The following PTPRO variants were observed in gnomAD, a reference collection of about 807,000 sequenced individuals.
PTPRO encodes protein tyrosine phosphatase receptor type O, also known as receptor-type tyrosine-protein phosphatase O.
In PTPRO, 62 loss-of-function variants were observed where a neutral mutation model predicts 145.2. That is an observed-to-expected ratio of 0.43 (90% CI 0.35 to 0.53). The LOEUF (loss-of-function observed/expected upper bound fraction) is 0.53. Ranked by LOEUF, PTPRO falls within the 20% of genes least tolerant of loss-of-function variation. PTPRO has a pLI of 0.01. For synonymous variants in PTPRO, 565 were observed against 514.7 expected, an observed-to-expected ratio of 1.10 and a Z score of -1.32; for missense variants, 1,345 against 1,482.7, an observed-to-expected ratio of 0.91 and a Z score of 1.53.
chr12:15,482,503 A>C (rs1303374187), intron 1 of PTPRO, among the ~76,000 whole-genome samples: 1 of 152,092 alleles, frequency 6.6e-6, no homozygotes, highest in African/African-American at 2.4e-5. Context: ...TGTATTTTCA[A>C]ATAACTAGAA....
chr12:15,444,471 C>A (rs1454430781), intron 1 of PTPRO, among the ~76,000 whole-genome samples: 1 of 151,880 alleles, frequency 6.6e-6, no homozygotes, highest in Admixed American at 6.6e-5. Context: ...TGTGTATGTA[C>A]CCCCAAATCA....
chr12:15,519,318 G>A (rs972696725), intron 9 of PTPRO, among the ~76,000 whole-genome samples: 11 of 152,274 alleles, frequency 7.2e-5, no homozygotes, highest in African/African-American at 2.6e-4. Flanking sequence ...CCCACAACAC[G>A]TGGGAATTCA....
At chr12:15,546,455 G>T in intron 12 of PTPRO, 114 bp from the exon 13 acceptor site, 5 of 1,521,698 alleles carry the variant, frequency 3.3e-6, no homozygotes, top group Non-Finnish European at 4.4e-6. Context: ...AAGTCTTTAT[G>T]GTGCTCTTAC....
chr12:15,537,997 T>A (rs1398777656), intron 12 of PTPRO, among the ~76,000 whole-genome samples: 4 of 152,158 alleles, frequency 2.6e-5, no homozygotes, highest in African/African-American at 9.7e-5. Context: ...TCTTTAGGTT[T>A]GCAGGGGGCA....
intron 1 of PTPRO, among the ~76,000 whole-genome samples, chr12:15,422,532 C>T (rs75720020): frequency 0.013 from 2,042 of 152,170 alleles, 63 homozygotes; most frequent in African/African-American, 0.047. Context: ...GAAAAGGCCA[C>T]GGGATAAAGT....
At chr12:15,328,401 A>T (rs1306766537) in intron 1 of PTPRO, among the ~76,000 whole-genome samples, 1 of 152,234 alleles carries the variant, frequency 6.6e-6, no homozygotes, top group Non-Finnish European at 1.5e-5. Context: ...CTTAAAGGCC[A>T]GCTCCTTTTT....
intron 24 of PTPRO, among the ~76,000 whole-genome samples, chr12:15,588,804 G>C (rs993151105): frequency 6.6e-6 from 1 of 152,156 alleles, no homozygotes; most frequent in African/African-American, 2.4e-5. Context: ...TCAGCTCTCT[G>C]AATTCAGAAA....
At chr12:15,578,824 C>G in intron 19 of PTPRO, 29 bp from the exon 20 acceptor site, 1 of 1,498,626 alleles carries the variant, frequency 6.7e-7, no homozygotes, top group Non-Finnish European at 9.3e-7. Context: ...ACGTATGGAA[C>G]TCTCAAATCC....
At chr12:15,384,911 T>C (rs1938975198) in intron 1 of PTPRO, among the ~76,000 whole-genome samples, 1 of 152,224 alleles carries the variant, frequency 6.6e-6, no homozygotes, top group South Asian at 2.1e-4. Flanking sequence ...TAATGAACGC[T>C]GAAAGCATTA....
Position 15,432,712 on chromosome 12 carries a change from G to A in PTPRO, c.76-51262G>A, listed in dbSNP as rs111534525. Among the ~76,000 whole-genome samples, 10 of 152,280 alleles carry A rather than the reference G, an allele frequency of 6.6e-5. 1 individual carries two copies. The highest frequency in any genetic ancestry group is 2.4e-4 in the African/African-American group (10 of 41,564). On this transcript the variant is annotated intron_variant, in intron 1 of 26. Transcript: ENST00000281171. Reference sequence around the variant, plus strand: ...ATAGCCTTCTGACTGGTGTGAGACGGCATCTCATTGTGGTTTTGATTTGCA... The same window carrying A: ...ATAGCCTTCTGACTGGTGTGAGACGACATCTCATTGTGGTTTTGATTTGCA...
intron 1 of PTPRO, among the ~76,000 whole-genome samples, chr12:15,432,335 A>G (rs183038988): frequency 2.0e-5 from 3 of 152,280 alleles, no homozygotes; most frequent in Admixed American, 2.0e-4. Context: ...ACATGATTGC[A>G]TTATTTTTTA....
chr12:15,454,628 T>G (rs1028919610), intron 1 of PTPRO, among the ~76,000 whole-genome samples: 6 of 152,218 alleles, frequency 3.9e-5, no homozygotes, highest in Admixed American at 3.9e-4. Flanking sequence ...GCCTATGTTT[T>G]TGGTGTCATA....
At position 15,371,380 on chromosome 12, in the gene PTPRO, C is replaced by T. The variant is rs370810559; in HGVS notation, c.75+48579C>T. ...CTGAGTAACTGAGATTACAGGCACC[C>T]GCCACCACGCCAGGCTAATATTTTG... On this transcript the variant is annotated intron_variant, in intron 1 of 26. Coordinates refer to ENST00000281171, the MANE Select transcript of PTPRO (RefSeq NM_030667.3). Among the ~76,000 whole-genome samples the T allele has an allele frequency of 2.0e-4, 31 of 152,072 alleles. No homozygotes were observed. In the East Asian group the frequency reaches 3.1e-3, roughly 15 times the overall value.
At chr12:15,480,663 G>A (rs911396100) in intron 1 of PTPRO, among the ~76,000 whole-genome samples, 8 of 152,134 alleles carry the variant, frequency 5.3e-5, no homozygotes, top group African/African-American at 1.9e-4. Flanking sequence ...TTTTGTCAGA[G>A]TTTCAGCTAT....
chr12:15,432,615 C>T (rs1021816201), intron 1 of PTPRO, among the ~76,000 whole-genome samples: 1 of 152,234 alleles, frequency 6.6e-6, no homozygotes, highest in Non-Finnish European at 1.5e-5. Flanking sequence ...TTTACACCCC[C>T]ACCATCAATG....
intron 6 of PTPRO, among the ~76,000 whole-genome samples, chr12:15,505,388 C>T (rs971883609): frequency 6.6e-6 from 1 of 152,148 alleles, no homozygotes; most frequent in African/African-American, 2.4e-5. Context: ...TTTGTACATT[C>T]AAGAAATATT....
At chr12:15,472,736 G>T (rs191529826) in intron 1 of PTPRO, among the ~76,000 whole-genome samples, 15 of 152,332 alleles carry the variant, frequency 9.8e-5, no homozygotes, top group Non-Finnish European at 1.5e-4. Flanking sequence ...TAAAGAATAT[G>T]TTGGGCTTTA....
intron 2 of PTPRO, among the ~76,000 whole-genome samples, chr12:15,496,730 T>G (rs1257176840): frequency 6.6e-6 from 1 of 152,198 alleles, no homozygotes; most frequent in Non-Finnish European, 1.5e-5. Flanking sequence ...ATTTTATACT[T>G]CATATGGAAA....
chr12:15,542,168 A>G (rs1411789903), intron 12 of PTPRO, among the ~76,000 whole-genome samples: 1 of 152,180 alleles, frequency 6.6e-6, no homozygotes, highest in Non-Finnish European at 1.5e-5. Flanking sequence ...TGCCTAATTA[A>G]TATTTAGCCA....
Sources: allele counts gnomAD v4.1 joint callset (sites outside exome capture counted in the v4.1 genomes callset), GRCh38; gene constraint gnomAD v4.1.1; transcripts MANE v1.5; gene names NCBI Gene and HGNC (gene_info 2026-07-23, HGNC 2026-07-21).